ANKS1B: variants seen among roughly 807,000 people sequenced by gnomAD.
The protein encoded by ANKS1B is ankyrin repeat and sterile alpha motif domain-containing protein 1B.
In ANKS1B, 36 loss-of-function variants were observed where a neutral mutation model predicts 148.3. The observed-to-expected ratio is 0.24, with a 90% CI of 0.19 to 0.32. The LOEUF (loss-of-function observed/expected upper bound fraction) is 0.32, where lower values mean the gene tolerates loss of function less well. Ranked by LOEUF, ANKS1B falls within the 10% of genes least tolerant of loss-of-function variation. The pLI is 1.00. For missense variants in ANKS1B, 1,157 were observed against 1,542.6 expected (o/e 0.75, Z 4.19); for synonymous variants, 542 against 560.8 (o/e 0.97, Z 0.47).
At chr12:98,866,647 T>C (rs1236167082) in intron 17 of ANKS1B, among the ~76,000 whole-genome samples, 1 of 152,214 alleles carries the variant, frequency 6.6e-6, no homozygotes, top group African/African-American at 2.4e-5. Flanking sequence ...GGGACACTGC[T>C]TCCTCCTCAT....
intron 12 of ANKS1B, among the ~76,000 whole-genome samples, chr12:99,339,957 T>C (rs2089632434): frequency 6.6e-6 from 1 of 152,176 alleles, no homozygotes; most frequent in South Asian, 2.1e-4. Context: ...TCTATCTTGC[T>C]TTTGAACTTG....
intron 8 of ANKS1B, among the ~76,000 whole-genome samples, chr12:99,709,145 TGCACGCACACATGCACACATAAGCACAC>T (rs1427135966): frequency 6.6e-6 from 1 of 152,138 alleles, no homozygotes; most frequent in Non-Finnish European, 1.5e-5. Flanking sequence ...TGTGTGTGTG[TGCACGCACACATGCACACATAAGCACAC>T]GCAAGCTTGT....
At chr12:99,936,105 C>A (rs2094761438) in intron 1 of ANKS1B, among the ~76,000 whole-genome samples, 1 of 152,058 alleles carries the variant, frequency 6.6e-6, no homozygotes, top group African/African-American at 2.4e-5. Flanking sequence ...ACCCCATGAT[C>A]TGATTACCTC....
chr12:99,310,781 A>G (rs1278245645), intron 12 of ANKS1B, among the ~76,000 whole-genome samples: 2 of 152,092 alleles, frequency 1.3e-5, no homozygotes, highest in East Asian at 1.9e-4. Context: ...AAATCTATCT[A>G]TCTGTCTGTC....
chr12:99,023,676 T>C (rs1356976836), intron 17 of ANKS1B, among the ~76,000 whole-genome samples: 1 of 151,930 alleles, frequency 6.6e-6, no homozygotes, highest in East Asian at 1.9e-4. Context: ...AAAGTGTACT[T>C]TTCTCCCATT....
At chr12:99,465,625 A>T (rs1162972507) in intron 10 of ANKS1B, among the ~76,000 whole-genome samples, 1 of 152,154 alleles carries the variant, frequency 6.6e-6, no homozygotes, top group Non-Finnish European at 1.5e-5. Context: ...AAAACAAAAA[A>T]AGGAAGGGGT....
At chr12:98,923,349 C>A (rs1012438201) in intron 17 of ANKS1B, among the ~76,000 whole-genome samples, 1 of 152,170 alleles carries the variant, frequency 6.6e-6, no homozygotes, top group Non-Finnish European at 1.5e-5. Flanking sequence ...GCCAAATAAA[C>A]CTCTTTTCTT....
chr12:99,453,040 T>C (rs190254566), intron 10 of ANKS1B, among the ~76,000 whole-genome samples: 2,888 of 152,246 alleles, frequency 0.019, 39 homozygotes, highest in African/African-American at 0.034. Context: ...CCTGTAATCC[T>C]AGCACTTTGG....
intron 25 of ANKS1B, among the ~76,000 whole-genome samples, chr12:98,771,824 C>A (rs1313225421): frequency 6.6e-6 from 1 of 152,034 alleles, no homozygotes; most frequent in Admixed American, 6.6e-5. Flanking sequence ...TTGGAGTTCC[C>A]AATTACCACC....
intron 14 of ANKS1B, among the ~76,000 whole-genome samples, chr12:99,199,715 T>C (rs946710320): frequency 9.2e-5 from 14 of 152,232 alleles, no homozygotes; most frequent in African/African-American, 2.9e-4. Flanking sequence ...TCTATTTTCC[T>C]GACAGAAAAA....
chr12:99,307,757 C>G (rs1219751935), intron 12 of ANKS1B, among the ~76,000 whole-genome samples: 6 of 151,272 alleles, frequency 4.0e-5, no homozygotes, highest in Admixed American at 4.0e-4. Flanking sequence ...GATATAAGAG[C>G]TCAAAAACCA....
At chr12:99,458,845 G>T (rs1176714816) in intron 10 of ANKS1B, among the ~76,000 whole-genome samples, 2 of 151,630 alleles carry the variant, frequency 1.3e-5, no homozygotes, top group African/African-American at 4.8e-5. Context: ...AGAAGAATTG[G>T]TACCAATCCT....
chr12:99,840,636 G>A (rs1014997941), intron 1 of ANKS1B, among the ~76,000 whole-genome samples: 3 of 152,092 alleles, frequency 2.0e-5, no homozygotes, highest in Non-Finnish European at 2.9e-5. Context: ...AAATTGTGAC[G>A]TGCAAAGAAA....
intron 9 of ANKS1B, among the ~76,000 whole-genome samples, chr12:99,628,852 G>A (rs945781101): frequency 4.6e-5 from 7 of 152,146 alleles, no homozygotes; most frequent in Non-Finnish European, 7.3e-5. Context: ...CATTCATGAG[G>A]GCAGAGCCCT....
intron 11 of ANKS1B, among the ~76,000 whole-genome samples, chr12:99,401,423 G>A (rs2152594650): frequency 6.8e-6 from 1 of 146,168 alleles, no homozygotes; most frequent in African/African-American, 2.6e-5. Flanking sequence ...ACATTTCTAT[G>A]TTTCTTCTCA....
At chr12:99,328,627 C>T (rs1241056426) in intron 12 of ANKS1B, among the ~76,000 whole-genome samples, 1 of 151,808 alleles carries the variant, frequency 6.6e-6, no homozygotes, top group Non-Finnish European at 1.5e-5. Flanking sequence ...AAGTCAATTT[C>T]ATCCCAAAAA....
chr12:98,740,266 G>T (rs777854926), downstream of ANKS1B, among the ~76,000 whole-genome samples: 1 of 152,104 alleles, frequency 6.6e-6, no homozygotes, highest in African/African-American at 2.4e-5. Flanking sequence ...AAATGTCCCC[G>T]GGTGATTCCA....
At chr12:99,116,662 G>A (rs2061498646) in intron 15 of ANKS1B, among the ~76,000 whole-genome samples, 1 of 152,114 alleles carries the variant, frequency 6.6e-6, no homozygotes, top group African/African-American at 2.4e-5. Context: ...TTTTGCTTAT[G>A]AGTGTCTTGG....
At chr12:99,243,816 C>T (rs1393964268) in intron 14 of ANKS1B, among the ~76,000 whole-genome samples, 1 of 151,660 alleles carries the variant, frequency 6.6e-6, no homozygotes, top group South Asian at 2.1e-4. Flanking sequence ...CATAAGTGAA[C>T]AATGAGAACA....
Sources: allele counts gnomAD v4.1 joint callset (sites outside exome capture counted in the v4.1 genomes callset), GRCh38; gene constraint gnomAD v4.1.1; transcripts MANE v1.5; gene names NCBI Gene and HGNC (gene_info 2026-07-23, HGNC 2026-07-21).